The following SAMD12 variants were observed in gnomAD, a reference collection of about 807,000 sequenced individuals.
SAMD12 encodes sterile alpha motif domain-containing protein 12.
A neutral mutation model predicts 15.0 loss-of-function variants in SAMD12; 9 were observed. That is an observed-to-expected ratio of 0.60 (90% CI 0.36 to 1.05). SAMD12 has a LOEUF of 1.05. Ranked by LOEUF, SAMD12 falls within the 50% of genes least tolerant of loss-of-function variation. The probability of loss-of-function intolerance (pLI) is 0.01; values close to 1 mark genes in which losing one functional copy is unlikely to be tolerated. For synonymous variants in SAMD12, 86 were observed against 90.1 expected, an observed-to-expected ratio of 0.96 and a Z score of 0.25; for missense variants, 230 against 234.2, an observed-to-expected ratio of 0.98 and a Z score of 0.12.
chr8:118,192,596 C>T lies in SAMD12; in HGVS notation c.*5114G>A, dbSNP rs147524104. ...CTCAAAATATCTGAGGTTTGGAAAA[C>T]AACAACGCAACAAATAACCAACCAA... On this transcript the variant is annotated 3_prime_UTR_variant, in exon 5 of 5. Transcript: ENST00000409003. 1.3e-3 allele frequency: 191 copies of T among 151,852 alleles called. 1 individual carries two copies. Among genetic ancestry groups the T allele is most frequent in the African/African-American group, 4.5e-3 (186 of 41,272 alleles). 9.4% of individuals were successfully genotyped at this position (151,852 alleles called of 1,614,324 possible). A position where few individuals can be genotyped will look rare whatever the true frequency, so the allele number is the denominator to read the frequency against.
chr8:118,597,645 C>G (rs373298423), intron 1 of SAMD12, among the ~76,000 whole-genome samples: 1 of 152,194 alleles, frequency 6.6e-6, no homozygotes, highest in South Asian at 2.1e-4. Flanking sequence ...CCAACTGATA[C>G]TAAAATAAAC....
chr8:118,482,172 A>G (rs1824144497), intron 2 of SAMD12, among the ~76,000 whole-genome samples: 1 of 152,238 alleles, frequency 6.6e-6, no homozygotes, highest in Admixed American at 6.5e-5. Context: ...GCCGAATCCT[A>G]TAATTTTAAA....
chr8:118,286,849 G>A (rs1814053617), intron 4 of SAMD12, among the ~76,000 whole-genome samples: 1 of 152,090 alleles, frequency 6.6e-6, no homozygotes, highest in Non-Finnish European at 1.5e-5. Flanking sequence ...TCAAAATTTG[G>A]TTTCTGTAAT....
chr8:118,202,534 G>C (rs1028419565), intron 4 of SAMD12, among the ~76,000 whole-genome samples: 1 of 152,198 alleles, frequency 6.6e-6, no homozygotes, highest in Non-Finnish European at 1.5e-5. Context: ...TTGGCAAAAG[G>C]TTCAATAACA....
intron 4 of SAMD12, among the ~76,000 whole-genome samples, chr8:118,325,814 C>T (rs906071965): frequency 6.6e-6 from 1 of 152,128 alleles, no homozygotes; most frequent in Non-Finnish European, 1.5e-5. Context: ...TGAAATTGAA[C>T]ATCAATGATG....
intron 4 of SAMD12, among the ~76,000 whole-genome samples, chr8:118,329,788 T>G (rs1431666717): frequency 1.3e-5 from 2 of 152,192 alleles, no homozygotes; most frequent in Non-Finnish European, 2.9e-5. Context: ...AGGGTTTATA[T>G]TCCATTGCAC....
At chr8:118,225,501 G>A (rs1224162753) in intron 4 of SAMD12, among the ~76,000 whole-genome samples, 8 of 152,184 alleles carry the variant, frequency 5.3e-5, no homozygotes, top group Non-Finnish European at 1.2e-4. Flanking sequence ...CAAGGGGTGA[G>A]CTCTGTACCA....
intron 3 of SAMD12, among the ~76,000 whole-genome samples, chr8:118,385,692 T>C (rs1819917465): frequency 6.6e-6 from 1 of 152,204 alleles, no homozygotes; most frequent in African/African-American, 2.4e-5. Flanking sequence ...GATTCCCTGG[T>C]GCTGCCTGTG....
chr8:118,394,077 T>A (rs1186708636), intron 3 of SAMD12, among the ~76,000 whole-genome samples: 1 of 152,250 alleles, frequency 6.6e-6, no homozygotes, highest in East Asian at 1.9e-4. Flanking sequence ...ACACTGGCAT[T>A]GCTTCAGTGC....
intron 2 of SAMD12, among the ~76,000 whole-genome samples, chr8:118,537,309 A>T (rs1002165188): frequency 1.3e-5 from 2 of 151,862 alleles, no homozygotes; most frequent in African/African-American, 4.8e-5. Context: ...TTGAATATTG[A>T]TATCTTTCTC....
chr8:118,247,560 A>T (rs1027270846), intron 4 of SAMD12, among the ~76,000 whole-genome samples: 2 of 151,796 alleles, frequency 1.3e-5, no homozygotes, highest in Non-Finnish European at 2.9e-5. Flanking sequence ...AATTAAAAAT[A>T]AAAAAAACTT....
intron 2 of SAMD12, among the ~76,000 whole-genome samples, chr8:118,551,297 G>A (rs1826326443): frequency 6.6e-6 from 1 of 150,596 alleles, no homozygotes; most frequent in South Asian, 2.1e-4. Context: ...CTCAGCAAAT[G>A]TAAAAGAACA....
chr8:118,409,449 G>T (rs1408911853), intron 3 of SAMD12, among the ~76,000 whole-genome samples: 1 of 131,614 alleles, frequency 7.6e-6, no homozygotes, highest in Non-Finnish European at 1.5e-5. Flanking sequence ...CTGCTTCACC[G>T]CTTTCATTAT....
At chr8:118,470,435 T>C (rs1823762932) in intron 2 of SAMD12, among the ~76,000 whole-genome samples, 1 of 152,168 alleles carries the variant, frequency 6.6e-6, no homozygotes, top group South Asian at 2.1e-4. Context: ...GTTTTTATAG[T>C]GGAAAGAGCA....
chr8:118,265,917 G>A (rs1440232205), intron 4 of SAMD12, among the ~76,000 whole-genome samples: 2 of 151,860 alleles, frequency 1.3e-5, no homozygotes, highest in African/African-American at 4.8e-5. Context: ...AAGACAATAA[G>A]GTACATGAAT....
intron 2 of SAMD12, among the ~76,000 whole-genome samples, chr8:118,495,115 G>A (rs574030576): frequency 4.6e-5 from 7 of 152,216 alleles, no homozygotes; most frequent in Non-Finnish European, 1.0e-4. Flanking sequence ...AAGGTTAGTT[G>A]CCATCACTAT....
chr8:118,452,940 A>G (rs1044819432), intron 2 of SAMD12, among the ~76,000 whole-genome samples: 3 of 152,206 alleles, frequency 2.0e-5, no homozygotes, highest in Non-Finnish European at 2.9e-5. Flanking sequence ...CATTGATACC[A>G]CAATGAGAAT....
chr8:118,367,646 G>T (rs528652038), intron 4 of SAMD12, among the ~76,000 whole-genome samples: 1 of 152,274 alleles, frequency 6.6e-6, no homozygotes, highest in South Asian at 2.1e-4. Flanking sequence ...GGTGAGTTCT[G>T]CAGGGGCAGA....
At chr8:118,190,041 C>G (rs938191250) in exon 5 of SAMD12, 2 of 151,274 alleles carry the variant, frequency 1.3e-5, no homozygotes, top group African/African-American at 2.4e-5. Context: ...CTTGGAAGAC[C>G]AACAGAATTA....
Sources: gnomAD v4.1 joint callset for allele counts (sites outside exome capture counted in the v4.1 genomes callset) on GRCh38, gnomAD v4.1.1 for gene constraint, MANE v1.5 for transcripts, NCBI Gene and HGNC (gene_info 2026-07-23, HGNC 2026-07-21) for gene names.